The following GCN1 variants were observed in gnomAD, a reference collection of about 807,000 sequenced individuals.
GCN1 encodes the protein stalled ribosome sensor GCN1.
GCN1 carries 90 observed loss-of-function variants against 288.4 expected under a neutral mutation model. That is an observed-to-expected ratio of 0.31 (90% CI 0.26 to 0.37). The LOEUF (loss-of-function observed/expected upper bound fraction) is 0.37, where lower values mean the gene tolerates loss of function less well. Among genes scored for constraint, GCN1 ranks in the 10% least tolerant of loss-of-function variants. The pLI is 1.00. For synonymous variants in GCN1, 1,386 were observed against 1,420.2 expected, an observed-to-expected ratio of 0.98 and a Z score of 0.54; for missense variants, 2,586 against 3,419.9, an observed-to-expected ratio of 0.76 and a Z score of 6.08.
chr12:120,168,688 C>A (rs1400143241), intron 15 of GCN1, among the ~76,000 whole-genome samples: 1 of 152,190 alleles, frequency 6.6e-6, no homozygotes, highest in Admixed American at 6.5e-5. Flanking sequence ...GGTACCAGTT[C>A]AAATGCTTCC....
chr12:120,184,374 A>G, intron 3 of GCN1, 131 bp from the exon 4 acceptor site: 1 of 759,262 alleles, frequency 1.3e-6, no homozygotes. Context: ...ATAACAGAGA[A>G]GGGATTAGGA....
rs1876663494 is a variant in GCN1 at position 120,127,784 on chromosome 12, A to G, written c.*65T>C. ...CCAAGCTCCCCATTGGAACAAATGT[A>G]TTTTCAAAAATGAAAACATTGAGCA... On this transcript the variant is annotated 3_prime_UTR_variant, in exon 58 of 58. Coordinates refer to ENST00000300648, the MANE Select transcript of GCN1 (RefSeq NM_006836.2). 3 of 1,564,450 alleles carry G rather than the reference A, an allele frequency of 1.9e-6. No individual in the cohort carries two copies. The highest frequency in any genetic ancestry group is 1.4e-5 in the African/African-American group (1 of 73,624).
intron 24 of GCN1, 35 bp downstream of exon 24, chr12:120,159,790 T>A (rs1208386579): frequency 1.3e-6 from 2 of 1,592,322 alleles, no homozygotes; most frequent in East Asian, 4.5e-5. Flanking sequence ...GGGGCACCCC[T>A]GGGCCATCCC....
chr12:120,138,927 C>T (rs930867822), intron 45 of GCN1, 71 bp from the exon 46 acceptor site: 1 of 1,410,916 alleles, frequency 7.1e-7, no homozygotes, highest in East Asian at 2.3e-5. Context: ...ACAAGAAGCA[C>T]AGGCAGGGGA....
At chr12:120,180,706 T>G (rs1405275883) in intron 5 of GCN1, among the ~76,000 whole-genome samples, 1 of 149,554 alleles carries the variant, frequency 6.7e-6, no homozygotes, top group Non-Finnish European at 1.5e-5. Context: ...GATATGCTTG[T>G]GGCCGGGCGC....
Position 120,155,804 on chromosome 12 carries a change from C to T in GCN1, c.3313-85G>A. On this transcript the variant is annotated intron_variant, in intron 28 of 57. Coordinates refer to ENST00000300648, the MANE Select transcript of GCN1 (RefSeq NM_006836.2). The surrounding 1 kb of genome is among the most constrained non-coding windows in gnomAD (Gnocchi z 4.9). ...CCTCCTCACCTCTCTCTAGGTTGTA[C>T]TGTCCAAGATGTAGCCACTAACCGC... 3 of 1,396,840 alleles carry T rather than the reference C, an allele frequency of 2.1e-6. No homozygotes were observed. The highest frequency in any genetic ancestry group is 3.5e-5 in the Admixed American group (2 of 57,430). 86.5% of individuals were successfully genotyped at this position (1,396,840 alleles called of 1,614,324 possible). A position where few individuals can be genotyped will look rare whatever the true frequency, so the allele number is the denominator to read the frequency against.
chr12:120,173,051 A>G (rs1594282931), intron 14 of GCN1, among the ~76,000 whole-genome samples: 5 of 145,734 alleles, frequency 3.4e-5, no homozygotes. Context: ...GATTTTTTAA[A>G]CCAGTCTTTT....
Position 120,184,153 on chromosome 12 carries a change from A to G in GCN1, c.276T>C (p.Ser92=). 6.2e-7 allele frequency: 1 copy of G among 1,613,966 alleles called. No homozygotes were observed. The highest frequency in any genetic ancestry group is 2.2e-5 in the East Asian group (1 of 44,882). Reference sequence around the variant, plus strand: ...TGGAGCCTATACCAGAAGACTGCAGAGAGTGTAGAAGGTTCTTAGCAGTGG... The same window carrying G: ...TGGAGCCTATACCAGAAGACTGCAGGGAGTGTAGAAGGTTCTTAGCAGTGG... ...PEATAKNLLH[S]LQSSGIGSKA... Residue 92 remains serine (S), a synonymous_variant, in exon 4 of 58, where the codon TCT becomes TCC. Coordinates refer to ENST00000300648, the MANE Select transcript of GCN1 (RefSeq NM_006836.2).
Position 120,183,628 on chromosome 12 carries a change from G to A in GCN1, c.367C>T (p.Leu123=), listed in dbSNP as rs1365367481. Residue 123 remains leucine, a synonymous_variant, in exon 5 of 58, where the codon CTG becomes TTG. Coordinates refer to ENST00000300648, the MANE Select transcript of GCN1 (RefSeq NM_006836.2). The part of the protein sequence containing the change: ...ALLALTWTCL[L]VRIVFPSRAK... ...CTCGATGGAAAGACAATGCGCACCA[G>A]GAGGCAGGTCCAGGTCAAGGCCAGC... The A allele has an allele frequency of 1.9e-6, 3 of 1,613,824 alleles. No individual in the cohort carries two copies. The highest frequency in any genetic ancestry group is 1.1e-5 in the South Asian group (1 of 91,086).
At chr12:120,162,704 T>C in intron 20 of GCN1, 143 bp downstream of exon 20, 3 of 922,276 alleles carry the variant, frequency 3.3e-6, no homozygotes, top group Non-Finnish European at 5.0e-6. Context: ...TAAACCAGTT[T>C]ACATTTCTGT....
chr12:120,151,549 G>C (rs1350351737), intron 33 of GCN1, among the ~76,000 whole-genome samples, 158 bp from the exon 34 acceptor site: 1 of 152,190 alleles, frequency 6.6e-6, no homozygotes, highest in African/African-American at 2.4e-5. Flanking sequence ...GAAGCAAACA[G>C]GTATACACAG....
At position 120,155,690 on chromosome 12, in the gene GCN1, T is replaced by G; in HGVS notation, c.3342A>C (p.Pro1114=). The change falls in exon 29 of 58, where the codon CCA becomes CCC. Residue 1114 remains proline, a synonymous_variant. Coordinates refer to ENST00000300648, the MANE Select transcript of GCN1 (RefSeq NM_006836.2). This position sits in a 1 kb window ranked among gnomAD's most constrained non-coding sequence, Gnocchi z 4.9. The part of the protein sequence containing the change: ...RGLMELHMVL[P]APDTDEKNGL... ...CATTCTTCTCATCAGTATCAGGTGCTGGCAATACCATGTGGAGTTCCATCA... is the reference window on the plus strand; with the variant it reads ...CATTCTTCTCATCAGTATCAGGTGCGGGCAATACCATGTGGAGTTCCATCA... 3 of 1,614,074 alleles carry G rather than the reference T, an allele frequency of 1.9e-6. No individual in the cohort carries two copies. The highest frequency in any genetic ancestry group is 2.7e-5 in the African/African-American group (2 of 75,038).
intron 51 of GCN1, among the ~76,000 whole-genome samples, chr12:120,135,547 G>A (rs1218098288): frequency 6.6e-6 from 1 of 152,038 alleles, no homozygotes; most frequent in Non-Finnish European, 1.5e-5. Context: ...ATTTTCAGTA[G>A]AGACAGGGTT....
chr12:120,190,224 CAAAA>C (rs34357352), intron 2 of GCN1, 70 bp downstream of exon 2: 2,306 of 568,438 alleles, frequency 4.1e-3, no homozygotes, highest in East Asian at 6.2e-3. Context: ...GACTCTGTCT[CAAAA>C]AAAAAAAAAA....
chr12:120,151,687 C>T (rs946472073), intron 33 of GCN1, among the ~76,000 whole-genome samples: 8 of 152,216 alleles, frequency 5.3e-5, no homozygotes, highest in African/African-American at 1.9e-4. Flanking sequence ...AAGGAAGGGA[C>T]TCTAAAGACT....
intron 22 of GCN1, among the ~76,000 whole-genome samples, chr12:120,160,842 A>G (rs1248290675): frequency 6.6e-6 from 1 of 152,252 alleles, no homozygotes; most frequent in Non-Finnish European, 1.5e-5. Flanking sequence ...CAAGTCAACA[A>G]GCACATAAAC....
At position 120,153,651 on chromosome 12, in the gene GCN1, C is replaced by A; in HGVS notation, c.3867+93G>T. The A allele has an allele frequency of 8.0e-7, 1 of 1,251,560 alleles. No homozygotes were observed. Among genetic ancestry groups the A allele is most frequent in the Non-Finnish European group, 1.1e-6 (1 of 878,270 alleles). 77.5% of individuals were successfully genotyped at this position (1,251,560 alleles called of 1,614,324 possible). A position where few individuals can be genotyped will look rare whatever the true frequency, so the allele number is the denominator to read the frequency against. On this transcript the variant is annotated intron_variant, in intron 32 of 57. Transcript: ENST00000300648. The surrounding 1 kb of genome is among the most constrained non-coding windows in gnomAD (Gnocchi z 4.4). ...TCTTGGCACTCAGCATTTCTGGCCC[C>A]TGCTCAGCCCTAGCGCCTGCCTCCC...
At chr12:120,152,090 C>A (rs1251489217) in intron 33 of GCN1, among the ~76,000 whole-genome samples, 1 of 152,086 alleles carries the variant, frequency 6.6e-6, no homozygotes, top group Non-Finnish European at 1.5e-5. Context: ...AGTGCAGTGG[C>A]ACAATCATAA....
At chr12:120,135,425 G>A (rs557090915) in intron 51 of GCN1, among the ~76,000 whole-genome samples, 92 of 151,834 alleles carry the variant, frequency 6.1e-4, no homozygotes, top group African/African-American at 2.1e-3. Context: ...AGTGCAAGGC[G>A]CGATCTCAGC....
Sources: allele counts gnomAD v4.1 joint callset (sites outside exome capture counted in the v4.1 genomes callset), GRCh38; gene constraint gnomAD v4.1.1; non-coding constraint Gnocchi (gnomAD v3.1); transcripts MANE v1.5; gene names NCBI Gene and HGNC (gene_info 2026-07-23, HGNC 2026-07-21).